The following GRIP1 variants were observed in gnomAD, a reference collection of about 807,000 sequenced individuals.
GRIP1 encodes glutamate receptor-interacting protein 1.
GRIP1 carries 45 observed loss-of-function variants against 129.9 expected under a neutral mutation model. The observed-to-expected ratio is 0.35, with a 90% CI of 0.27 to 0.44. The LOEUF is 0.44. Among genes scored for constraint, GRIP1 ranks in the 20% least tolerant of loss-of-function variants. GRIP1 has a pLI of 1.00. For missense variants in GRIP1, 1,196 were observed against 1,396.8 expected (o/e 0.86, Z 2.29); for synonymous variants, 530 against 520.8 (o/e 1.02, Z -0.24).
rs188892840 is a variant in GRIP1 at position 66,999,484 on chromosome 12, C to T, written c.58+69566G>A. Among the ~76,000 whole-genome samples the T allele has an allele frequency of 5.9e-5, 9 of 152,208 alleles. No homozygotes were observed. The South Asian group carries it at 6.2e-4, about 11-fold the overall frequency. ...CTTTGCTGCCTCTCTATATAATAAA[C>T]GCTATTCAAACACACTTTTTGTTAA... On this transcript the variant is annotated intron_variant, in intron 1 of 1. Coordinates refer to the GRIP1 transcript ENST00000643019.
chr12:66,357,816 G>A (rs1404460971), intron 23 of GRIP1, among the ~76,000 whole-genome samples: 1 of 152,152 alleles, frequency 6.6e-6, no homozygotes, highest in Non-Finnish European at 1.5e-5. Context: ...TTCGAATGGT[G>A]GCCCAATGAG....
intron 1 of GRIP1, among the ~76,000 whole-genome samples, chr12:66,990,904 G>C (rs1205247261): frequency 6.6e-6 from 1 of 151,582 alleles, no homozygotes; most frequent in Non-Finnish European, 1.5e-5. Context: ...TTGAACCCGG[G>C]AGGCAGAGGT....
At chr12:66,624,204 A>G (rs920137794) in intron 1 of GRIP1, among the ~76,000 whole-genome samples, 2 of 152,184 alleles carry the variant, frequency 1.3e-5, no homozygotes, top group Non-Finnish European at 2.9e-5. Flanking sequence ...CATTATTTCA[A>G]TTGGTTCCTC....
At position 66,799,822 on chromosome 12, in the gene GRIP1, G is replaced by A. The variant is rs1000945449; in HGVS notation, c.-420+4231C>T. On this transcript the variant is annotated intron_variant, in intron 1 of 4. Coordinates refer to the GRIP1 transcript ENST00000538373. Reference sequence around the variant, plus strand: ...GGGAAAACTCTAAAGGAACCAGTAAGAATAAATTACTTATCTAATCACCCA... The same window carrying A: ...GGGAAAACTCTAAAGGAACCAGTAAAAATAAATTACTTATCTAATCACCCA... Among the ~76,000 whole-genome samples the A allele has an allele frequency of 2.0e-5, 3 of 152,098 alleles. No individual in the cohort carries two copies. The East Asian group carries it at 5.8e-4, about 29-fold the overall frequency.
intron 1 of GRIP1, among the ~76,000 whole-genome samples, chr12:66,649,542 T>C (rs149945211): frequency 1.3e-5 from 2 of 152,338 alleles, no homozygotes; most frequent in South Asian, 2.1e-4. Flanking sequence ...TAGGCATTAT[T>C]TCCCTCACAA....
chr12:66,639,375 T>TG (rs1173377538), intron 1 of GRIP1, among the ~76,000 whole-genome samples: 8 of 152,000 alleles, frequency 5.3e-5, no homozygotes, highest in Non-Finnish European at 8.8e-5. Flanking sequence ...ATGTGTGCAT[T>TG]GGGGGAGGGC....
chr12:66,522,339 T>C (rs998199042), intron 5 of GRIP1, among the ~76,000 whole-genome samples: 4 of 152,194 alleles, frequency 2.6e-5, no homozygotes, highest in Non-Finnish European at 5.9e-5. Context: ...CATTTGCGGA[T>C]CACCAATATC....
intron 7 of GRIP1, among the ~76,000 whole-genome samples, chr12:66,514,114 T>C (rs1037768635): frequency 6.6e-6 from 1 of 152,180 alleles, no homozygotes; most frequent in Non-Finnish European, 1.5e-5. Context: ...GATCACACTT[T>C]ATGAGTTTAT....
intron 11 of GRIP1, among the ~76,000 whole-genome samples, chr12:66,454,517 T>C (rs1319170960): frequency 1.3e-5 from 2 of 152,324 alleles, no homozygotes; most frequent in East Asian, 1.9e-4. Flanking sequence ...TATATGATCA[T>C]GATAAGAGAG....
chr12:66,719,161 A>G (rs1475150472), intron 1 of GRIP1, among the ~76,000 whole-genome samples: 4 of 152,180 alleles, frequency 2.6e-5, no homozygotes, highest in African/African-American at 4.8e-5. Flanking sequence ...AAAGCTAAAG[A>G]TAATAGAAGA....
intron 4 of GRIP1, among the ~76,000 whole-genome samples, chr12:66,534,503 C>T (rs2061551535): frequency 6.6e-6 from 1 of 152,204 alleles, no homozygotes; most frequent in Non-Finnish European, 1.5e-5. Context: ...TCACGGCCCA[C>T]TGGATGCCAA....
chr12:67,034,451 G>A (rs1306910927), intron 1 of GRIP1, among the ~76,000 whole-genome samples: 2 of 152,144 alleles, frequency 1.3e-5, no homozygotes, highest in Non-Finnish European at 2.9e-5. Context: ...CATACAGCCT[G>A]TTACAGTATA....
intron 1 of GRIP1, among the ~76,000 whole-genome samples, chr12:66,731,436 C>T (rs1687745339): frequency 6.6e-6 from 1 of 152,140 alleles, no homozygotes; most frequent in Non-Finnish European, 1.5e-5. Flanking sequence ...GATCACTGTG[C>T]AATGTTTTGG....
At chr12:66,870,997 T>C (rs527608029) in intron 1 of GRIP1, among the ~76,000 whole-genome samples, 37 of 152,238 alleles carry the variant, frequency 2.4e-4, no homozygotes, top group Non-Finnish European at 4.4e-4. Flanking sequence ...TTATAGCCTG[T>C]GTGACCTTGA....
chr12:66,747,654 C>T (rs1272201963), intron 1 of GRIP1, among the ~76,000 whole-genome samples: 1 of 152,168 alleles, frequency 6.6e-6, no homozygotes, highest in Non-Finnish European at 1.5e-5. Context: ...CAGATTTGAG[C>T]AAAGGCATAT....
In GRIP1 at chr12:66,852,537, T is replaced by C. The variant is rs537058616; in HGVS notation, c.58+216513A>G. 1.8e-3 allele frequency among the ~76,000 whole-genome samples: 267 copies of C among 150,272 alleles called. 2 individuals carry two copies. Among genetic ancestry groups the C allele is most frequent in the African/African-American group, 6.4e-3 (260 of 40,824 alleles). On this transcript the variant is annotated intron_variant, in intron 1 of 1. Transcript: ENST00000643019. ...ATATGTGTATATATGTATATGTATA[T>C]ATGTATATATGTATATGTATATATG...
intron 1 of GRIP1, among the ~76,000 whole-genome samples, chr12:67,021,526 T>A (rs772880068): frequency 6.6e-6 from 1 of 152,190 alleles, no homozygotes; most frequent in East Asian, 1.9e-4. Flanking sequence ...AATTGACACA[T>A]AATTGTACAT....
chr12:66,893,103 G>C (rs772525428), intron 1 of GRIP1, among the ~76,000 whole-genome samples: 10 of 151,962 alleles, frequency 6.6e-5, no homozygotes, highest in Non-Finnish European at 1.0e-4. Context: ...CCACTGATCT[G>C]TTCTCCATCA....
At position 66,638,368 on chromosome 12, in the gene GRIP1, A is replaced by G. The variant is rs142583591; in HGVS notation, c.55+40482T>C. On this transcript the variant is annotated intron_variant, in intron 1 of 24. Transcript: ENST00000359742. ...ACCCTTGATAGGTATTACTTCTCCC[A>G]TTTTGTACATTAAATAAAGAGAAAG... 7.5e-3 allele frequency among the ~76,000 whole-genome samples: 1,141 copies of G among 152,254 alleles called. 12 individuals carry two copies. Among genetic ancestry groups the G allele is most frequent in the African/African-American group, 0.026 (1,097 of 41,532 alleles).
Sources: allele counts gnomAD v4.1 joint callset (sites outside exome capture counted in the v4.1 genomes callset), GRCh38; gene constraint gnomAD v4.1.1; transcripts MANE v1.5; gene names NCBI Gene and HGNC (gene_info 2026-07-23, HGNC 2026-07-21).